Variants in PTBP3 observed in about 807,000 individuals in gnomAD.
PTBP3 encodes polypyrimidine tract binding protein 3, also known as polypyrimidine tract-binding protein 3.
A neutral mutation model predicts 58.7 loss-of-function variants in PTBP3; 20 were observed. The observed-to-expected ratio is 0.34, with a 90% CI of 0.24 to 0.50. The LOEUF (loss-of-function observed/expected upper bound fraction) is 0.50, where lower values mean the gene tolerates loss of function less well. Among genes scored for constraint, PTBP3 ranks in the 20% least tolerant of loss-of-function variants. The pLI, the probability that PTBP3 is intolerant of heterozygous loss-of-function variation, is 0.98. For synonymous variants in PTBP3, 185 were observed against 219.8 expected (o/e 0.84, Z 1.40); for missense variants, 509 against 637.2 (o/e 0.80, Z 2.17).
the PTBP3 span, among the ~76,000 whole-genome samples, chr9:112,366,095 C>T: frequency 2.0e-5 from 3 of 149,432 alleles, no homozygotes; most frequent in African/African-American, 7.3e-5. Flanking sequence ...CCAGCCTGGC[C>T]AACATGGTGA....
At chr9:112,339,996 G>A in the PTBP3 span, among the ~76,000 whole-genome samples, 1 of 151,508 alleles carries the variant, frequency 6.6e-6, no homozygotes, top group African/African-American at 2.4e-5. Flanking sequence ...ACAGGGTATC[G>A]CTCTGTCACC....
At chr9:112,363,084 A>C in the PTBP3 span, 4 of 174,960 alleles carry the variant, frequency 2.3e-5, no homozygotes, top group Non-Finnish European at 4.9e-5. Flanking sequence ...CACCAGTCGC[A>C]ATGCCAGGCA....
chr9:112,308,923 G>A (rs921824073), intron 1 of PTBP3, among the ~76,000 whole-genome samples: 4 of 152,016 alleles, frequency 2.6e-5, no homozygotes, highest in African/African-American at 7.2e-5. Context: ...CATAATTCAC[G>A]GGGCTAACAA....
intron 1 of PTBP3, among the ~76,000 whole-genome samples, chr9:112,327,940 C>T (rs936404541): frequency 2.0e-5 from 3 of 152,138 alleles, no homozygotes; most frequent in African/African-American, 7.2e-5. Flanking sequence ...ACTGGAAACA[C>T]AGTAGTGAAG....
the PTBP3 span, among the ~76,000 whole-genome samples, chr9:112,352,429 G>C: frequency 6.6e-6 from 1 of 152,296 alleles, no homozygotes; most frequent in South Asian, 2.1e-4. Flanking sequence ...CTGCCTTGCA[G>C]GTCACTGTTA....
chr9:112,270,458 A>G (rs1336447900), intron 3 of PTBP3, among the ~76,000 whole-genome samples: 1 of 152,252 alleles, frequency 6.6e-6, no homozygotes, highest in Non-Finnish European at 1.5e-5. Flanking sequence ...TTTGGGGAAT[A>G]TCAAGTTTTA....
chr9:112,222,801 A>G lies in PTBP3; in HGVS notation c.*1050T>C. ...GTATCTTAAGCACATAATAAGGCACATAATAAGAAATTAAGTAAATACACA... is the reference window on the plus strand; with the variant it reads ...GTATCTTAAGCACATAATAAGGCACGTAATAAGAAATTAAGTAAATACACA... On this transcript the variant is annotated 3_prime_UTR_variant, in exon 14 of 14. Coordinates refer to ENST00000374257, the MANE Select transcript of PTBP3 (RefSeq NM_001163788.4). The G allele has an allele frequency of 1.1e-6, 1 of 910,718 alleles. No individual in the cohort carries two copies. Among genetic ancestry groups the G allele is most frequent in the Non-Finnish European group, 1.3e-6 (1 of 761,654 alleles). The allele number at this position is 910,718 out of a possible 1,614,324, so 56.4% of individuals were successfully genotyped here. A position where few individuals can be genotyped will look rare whatever the true frequency, so the allele number is the denominator to read the frequency against.
the PTBP3 span, among the ~76,000 whole-genome samples, chr9:112,340,885 A>AAAAAAAAAAAGAAAAAAGAAACAAAAAT: frequency 6.7e-6 from 1 of 149,130 alleles, no homozygotes; most frequent in African/African-American, 2.5e-5. Context: ...TCAAAAAAAA[A>AAAAAAAAAAAGAAAAAAGAAACAAAAAT]AAATAAATAA....
chr9:112,252,800 T>C lies in PTBP3; in HGVS notation c.517-12A>G. 1 of 1,423,320 alleles carries C rather than the reference T, an allele frequency of 7.0e-7. No homozygotes were observed. Among genetic ancestry groups the C allele is most frequent in the Non-Finnish European group, 9.9e-7 (1 of 1,010,412 alleles). The allele number at this position is 1,423,320 out of a possible 1,614,324, so 88.2% of individuals were successfully genotyped here. ...AATTTAGAAAATATCTGGAAAACAG[T>C]TCACATTAGGTTAAATGTAAAAGAA... On this transcript the variant is annotated splice_polypyrimidine_tract_variant and intron_variant, in intron 5 of 13. Coordinates refer to ENST00000374257, the MANE Select transcript of PTBP3 (RefSeq NM_001163788.4).
intron 1 of PTBP3, among the ~76,000 whole-genome samples, chr9:112,325,664 G>A (rs903590569): frequency 2.7e-5 from 4 of 150,524 alleles, no homozygotes; most frequent in Admixed American, 6.6e-5. Context: ...CCATTTTGCT[G>A]AGTAAAAGAA....
intron 1 of PTBP3, among the ~76,000 whole-genome samples, chr9:112,317,945 CA>C (rs1157603489): frequency 6.6e-6 from 1 of 152,002 alleles, no homozygotes; most frequent in Non-Finnish European, 1.5e-5. Flanking sequence ...TCAAAAACAA[CA>C]AAAAACAAAC....
At chr9:112,330,381 G>T in intron 1 of PTBP3, 2 of 1,247,336 alleles carry the variant, frequency 1.6e-6, no homozygotes, top group South Asian at 2.7e-5. Context: ...GAACAGGTGA[G>T]ACTGAAAATA....
At position 112,220,857 on chromosome 9, in the gene PTBP3, CAAT is replaced by C. The variant is rs1834783030; in HGVS notation, c.*2991_*2993del. 1 of 967,562 alleles carries C rather than the reference CAAT, an allele frequency of 1.0e-6. No homozygotes were observed. Among genetic ancestry groups the C allele is most frequent in the Admixed American group, 6.2e-5 (1 of 16,222 alleles). 59.9% of individuals were successfully genotyped at this position (967,562 alleles called of 1,614,324 possible). A position where few individuals can be genotyped will look rare whatever the true frequency, so the allele number is the denominator to read the frequency against. On this transcript the variant is annotated 3_prime_UTR_variant, in exon 14 of 14. Coordinates refer to ENST00000374257, the MANE Select transcript of PTBP3 (RefSeq NM_001163788.4). ...GTCAAGACACCTTGAAAAGTGATGA[CAAT>C]ACTCCTTAAAAATAAAATAAACTTA...
intron 1 of PTBP3, among the ~76,000 whole-genome samples, chr9:112,307,362 G>A (rs1000936378): frequency 3.3e-5 from 5 of 152,080 alleles, no homozygotes; most frequent in Non-Finnish European, 7.4e-5. Flanking sequence ...GCTGAGGTGG[G>A]AGGATTGATT....
intron 1 of PTBP3, among the ~76,000 whole-genome samples, chr9:112,317,908 A>T (rs1333976229): frequency 6.6e-6 from 1 of 152,170 alleles, no homozygotes; most frequent in Non-Finnish European, 1.5e-5. Flanking sequence ...GCGCCACTGC[A>T]CTCCAGCCTG....
At chr9:112,243,387 A>G (rs1006188056) in intron 7 of PTBP3, among the ~76,000 whole-genome samples, 1 of 152,064 alleles carries the variant, frequency 6.6e-6, no homozygotes, top group African/African-American at 2.4e-5. Context: ...CTAAAAATTC[A>G]AAAAATTAGC....
intron 1 of PTBP3, among the ~76,000 whole-genome samples, chr9:112,312,973 G>A (rs918817104): frequency 1.3e-5 from 2 of 151,992 alleles, no homozygotes; most frequent in Admixed American, 1.3e-4. Flanking sequence ...GAGCTCAGGA[G>A]GTCAAGGCTG....
intron 5 of PTBP3, among the ~76,000 whole-genome samples, chr9:112,259,236 A>G (rs981534020): frequency 2.0e-5 from 3 of 152,172 alleles, no homozygotes; most frequent in African/African-American, 7.2e-5. Flanking sequence ...TACAGGCGTG[A>G]GCCACCACAC....
intron 3 of PTBP3, 138 bp from the exon 4 acceptor site, chr9:112,268,333 A>G (rs1349506861): frequency 3.5e-5 from 27 of 771,306 alleles, no homozygotes. Context: ...GGGAAAAACA[A>G]AAAAACACCT....
Sources: allele counts gnomAD v4.1 joint callset (sites outside exome capture counted in the v4.1 genomes callset), GRCh38; gene constraint gnomAD v4.1.1; transcripts MANE v1.5; gene names NCBI Gene and HGNC (gene_info 2026-07-23, HGNC 2026-07-21).